Variants in EDA observed in about 807,000 individuals in gnomAD.
EDA encodes the protein ectodysplasin A.
Under a neutral mutation model 23.6 loss-of-function variants are expected in EDA, and 2 were observed. That is an observed-to-expected ratio of 0.08 (90% CI 0.03 to 0.27). The LOEUF (loss-of-function observed/expected upper bound fraction) is 0.27, where lower values mean the gene tolerates loss of function less well. EDA is among the 10% of genes least tolerant of loss of function. The pLI is 1.00. For missense variants in EDA, 229 were observed against 324.2 expected, an observed-to-expected ratio of 0.71 and a Z score of 2.26; for synonymous variants, 131 against 132.0, an observed-to-expected ratio of 0.99 and a Z score of 0.05.
Position 69,783,584 on chromosome X carries a change from A to C in EDA, c.396+166880A>C, listed in dbSNP as rs959208465. ...TAGTTTACTGAGAATGATGATTTCC[A>C]ATTTCATCCATGTCCCTACAAAGGA... On this transcript the variant is annotated intron_variant, in intron 1 of 7. Transcript: ENST00000374552. Among the ~76,000 whole-genome samples the C allele has an allele frequency of 2.7e-5, 3 of 110,564 alleles. No homozygotes were observed. In the South Asian group the frequency reaches 1.2e-3, roughly 43 times the overall value.
chrX:69,819,866 TAG>T (rs2016168673), intron 1 of EDA, among the ~76,000 whole-genome samples: 1 of 76,140 alleles, frequency 1.3e-5, no homozygotes, highest in East Asian at 1.0e-3. Context: ...TTAACAGAAT[TAG>T]AAAAAACTTT....
intron 1 of EDA, among the ~76,000 whole-genome samples, chrX:69,860,385 T>C (rs1166410629): frequency 8.9e-6 from 1 of 112,046 alleles, no homozygotes; most frequent in Non-Finnish European, 1.9e-5. Context: ...TTTCCATATT[T>C]AGTGCTCCCT....
chrX:69,837,819 C>T (rs772213424), intron 1 of EDA, among the ~76,000 whole-genome samples: 128 of 112,499 alleles, frequency 1.1e-3, no homozygotes, highest in Middle Eastern at 4.7e-3. Flanking sequence ...GGACCCAGAG[C>T]TGCATGAATT....
chrX:69,816,697 T>A (rs2016089599), intron 1 of EDA, among the ~76,000 whole-genome samples: 1 of 109,618 alleles, frequency 9.1e-6, no homozygotes, highest in African/African-American at 3.3e-5. Flanking sequence ...AATATGGGAT[T>A]ATGTAAAGAG....
At chrX:70,028,222 C>T (rs891276339) in intron 4 of EDA, among the ~76,000 whole-genome samples, 186 bp downstream of exon 4, 2 of 111,531 alleles carry the variant, frequency 1.8e-5, no homozygotes, top group South Asian at 7.6e-4. Context: ...CCTGCTCTAG[C>T]TTCTTATATC....
At chrX:69,734,421 A>C (rs2147363300) in intron 1 of EDA, among the ~76,000 whole-genome samples, 1 of 111,713 alleles carries the variant, frequency 9.0e-6, no homozygotes, top group Non-Finnish European at 1.9e-5. Context: ...AAACAGAAAC[A>C]AACATTTTTT....
intron 1 of EDA, among the ~76,000 whole-genome samples, chrX:69,715,333 T>C (rs2012283180): frequency 9.0e-6 from 1 of 111,079 alleles, no homozygotes; most frequent in Admixed American, 9.6e-5. Flanking sequence ...TACGTGAGAA[T>C]ATGCAGTATT....
At chrX:70,015,838 C>T in intron 2 of EDA, among the ~76,000 whole-genome samples, 1 of 111,372 alleles carries the variant, frequency 9.0e-6, no homozygotes, top group Non-Finnish European at 1.9e-5. Flanking sequence ...AACCAGCTAA[C>T]AACACAATGA....
At chrX:69,803,380 T>C in intron 1 of EDA, among the ~76,000 whole-genome samples, 1 of 110,882 alleles carries the variant, frequency 9.0e-6, no homozygotes, top group East Asian at 2.9e-4. Flanking sequence ...TAACTTTTAG[T>C]GTTTTTTAAA....
chrX:69,793,628 A>G (rs1215032245), intron 1 of EDA, among the ~76,000 whole-genome samples: 8 of 100,452 alleles, frequency 8.0e-5, no homozygotes, highest in Non-Finnish European at 1.6e-4. Context: ...AAATAAGCAG[A>G]TCTTTCTGAG....
At chrX:69,690,917 AGTT>A (rs1404131514) in intron 1 of EDA, among the ~76,000 whole-genome samples, 3 of 111,796 alleles carry the variant, frequency 2.7e-5, no homozygotes, top group African/African-American at 9.7e-5. Flanking sequence ...GTATACATAC[AGTT>A]GTTGATCATA....
chrX:69,685,648 A>G (rs1934515857), intron 1 of EDA, among the ~76,000 whole-genome samples: 1 of 112,154 alleles, frequency 8.9e-6, no homozygotes, highest in Non-Finnish European at 1.9e-5. Flanking sequence ...AAAGAACAAG[A>G]TAAATAGGTT....
At chrX:69,909,081 A>G (rs2018219642) in intron 1 of EDA, among the ~76,000 whole-genome samples, 1 of 111,522 alleles carries the variant, frequency 9.0e-6, no homozygotes, top group African/African-American at 3.3e-5. Context: ...AGGGAAAGTC[A>G]GTAATCCTGA....
intron 1 of EDA, among the ~76,000 whole-genome samples, chrX:69,695,578 C>T (rs1399362239): frequency 2.0e-5 from 2 of 99,647 alleles, no homozygotes; most frequent in African/African-American, 3.7e-5. Context: ...GGCACGATCT[C>T]GGCTCACTGC....
At chrX:69,998,247 G>C (rs1329504889) in intron 2 of EDA, among the ~76,000 whole-genome samples, 1 of 112,471 alleles carries the variant, frequency 8.9e-6, no homozygotes, top group Non-Finnish European at 1.9e-5. Context: ...CCCACTTCTT[G>C]CATCAGCTGG....
chrX:70,020,600 AACATATAAATTGTTTATAAATGT>A (rs2020020473), intron 2 of EDA, among the ~76,000 whole-genome samples: 1 of 112,100 alleles, frequency 8.9e-6, no homozygotes, highest in Non-Finnish European at 1.9e-5. Flanking sequence ...AAATGTACAT[AACATATAAATTGTTTATAAATGT>A]ACATATAAAT....
At chrX:69,992,618 G>A (rs1288211596) in intron 2 of EDA, among the ~76,000 whole-genome samples, 2 of 111,739 alleles carry the variant, frequency 1.8e-5, no homozygotes, top group Non-Finnish European at 3.8e-5. Context: ...TCTCATACAT[G>A]TCTCCTTGTG....
chrX:69,670,618 T>A (rs1933856651), intron 1 of EDA, among the ~76,000 whole-genome samples: 1 of 110,312 alleles, frequency 9.1e-6, no homozygotes, highest in Non-Finnish European at 1.9e-5. Context: ...TTATTTTTAC[T>A]GAGTCATTTC....
chrX:69,623,102 C>T (rs1932245153), intron 1 of EDA, among the ~76,000 whole-genome samples: 1 of 112,076 alleles, frequency 8.9e-6, no homozygotes, highest in Admixed American at 9.4e-5. Context: ...TTATTATTAC[C>T]TGGTAAAGCA....
Sources: allele counts gnomAD v4.1 joint callset (sites outside exome capture counted in the v4.1 genomes callset), GRCh38; gene constraint gnomAD v4.1.1; transcripts MANE v1.5; gene names NCBI Gene and HGNC (gene_info 2026-07-23, HGNC 2026-07-21).